Variants in KANSL2 observed in about 807,000 individuals in gnomAD.
KANSL2 encodes the protein KAT8 regulatory NSL complex subunit 2, also known as NSL complex protein NSL2.
A neutral mutation model predicts 55.6 loss-of-function variants in KANSL2; 34 were observed. The ratio of observed to expected loss-of-function variants is 0.61; its 90% CI spans 0.46 to 0.81. KANSL2 has a LOEUF of 0.81. Among genes scored for constraint, KANSL2 ranks in the 40% least tolerant of loss-of-function variants. KANSL2 has a pLI of 0.00. For missense variants in KANSL2, 502 were observed against 609.9 expected, an observed-to-expected ratio of 0.82 and a Z score of 1.86; for synonymous variants, 209 against 214.3, an observed-to-expected ratio of 0.98 and a Z score of 0.22.
At chr12:48,667,355 T>A (rs548657708) in intron 7 of KANSL2, 1 of 312,952 alleles carries the variant, frequency 3.2e-6, no homozygotes, top group Non-Finnish European at 6.3e-6. Flanking sequence ...ATAAGCAAGT[T>A]AAATCAGAAA....
At chr12:48,660,924 C>A (rs142866219) in intron 7 of KANSL2, among the ~76,000 whole-genome samples, 3 of 152,156 alleles carry the variant, frequency 2.0e-5, no homozygotes, top group Non-Finnish European at 4.4e-5. Flanking sequence ...CAGTAACACT[C>A]CTAGGAACAC....
chr12:48,678,892 A>T (rs144892904), intron 4 of KANSL2, 144 bp downstream of exon 4: 1 of 571,582 alleles, frequency 1.7e-6, no homozygotes, highest in African/African-American at 1.9e-5. Flanking sequence ...ACAATGAACC[A>T]TGCCACTTTT....
In KANSL2 at chr12:48,655,079, C is replaced by T. The variant is rs1240783880; in HGVS notation, c.1228-19G>A. 6.4e-7 allele frequency: 1 copy of T among 1,557,716 alleles called. No homozygotes were observed. Among genetic ancestry groups the T allele is most frequent in the Non-Finnish European group, 8.7e-7 (1 of 1,150,770 alleles). ...CCAAGTCCTAGAAAAAAGAGAAAAGCCCATCAGCAATACCAAGGGAAACAG... is the reference window on the plus strand; with the variant it reads ...CCAAGTCCTAGAAAAAAGAGAAAAGTCCATCAGCAATACCAAGGGAAACAG... On this transcript the variant is annotated intron_variant, in intron 8 of 9. Coordinates refer to ENST00000420613, the MANE Select transcript of KANSL2 (RefSeq NM_017822.4).
intron 3 of KANSL2, 141 bp downstream of exon 3, chr12:48,679,514 C>G (rs1939882573): frequency 1.4e-6 from 1 of 704,156 alleles, no homozygotes; most frequent in African/African-American, 1.8e-5. Context: ...AACTGGTAAA[C>G]AACAAAGCAA....
Position 48,670,394 on chromosome 12 carries a change from TATC to T in KANSL2, c.710-1125_710-1123del, listed in dbSNP as rs1358648975. 3.3e-5 allele frequency among the ~76,000 whole-genome samples: 5 copies of T among 152,260 alleles called. No individual in the cohort carries two copies. In the East Asian group the frequency reaches 7.7e-4, roughly 23 times the overall value. On this transcript the variant is annotated intron_variant, in intron 5 of 9. Coordinates refer to ENST00000420613, the MANE Select transcript of KANSL2 (RefSeq NM_017822.4). ...CAGAAAGTATTGCAGAAGACATTGT[TATC>T]ATGAGATGACAGTTCGCTGCATGAG...
chr12:48,679,304 G>A (rs887503143), intron 3 of KANSL2, 154 bp from the exon 4 acceptor site: 91 of 690,452 alleles, frequency 1.3e-4, no homozygotes, highest in Admixed American at 3.0e-4. Context: ...AAATAAAAAC[G>A]CTTTAAGAAA....
chr12:48,660,553 T>C lies in KANSL2; in HGVS notation c.1040A>G (p.Asn347Ser), dbSNP rs1939467987. 1 of 1,613,390 alleles carries C rather than the reference T, an allele frequency of 6.2e-7. No individual in the cohort carries two copies. Among genetic ancestry groups the C allele is most frequent in the South Asian group, 1.1e-5 (1 of 90,874 alleles). ...AGAGAGGCTTACAGGAACAGGTTTG[T>C]TGCAGGGTACCTCTTCAGATCCCTG... The part of the protein sequence containing the change: ...CCQGSEEVPC[N>S]KPVPVSLSED... The change falls in exon 8 of 10, where the codon AAC (asparagine) becomes AGC (serine). Residue 347 changes from asparagine to serine, a missense_variant. Transcript: ENST00000420613.
intron 2 of KANSL2, 90 bp from the exon 3 acceptor site, chr12:48,679,923 G>A: frequency 1.8e-6 from 2 of 1,142,156 alleles, no homozygotes; most frequent in Non-Finnish European, 2.4e-6. Flanking sequence ...TCATTTTTAG[G>A]GAATTAAAAT....
chr12:48,660,285 C>G lies in KANSL2; in HGVS notation c.1227+81G>C, dbSNP rs369206330. ...AAAACTTTGTCGATTCTCCTAACCA[C>G]AAAGACTAACCTATTCTCACCATTA... On this transcript the variant is annotated intron_variant, in intron 8 of 9. Transcript: ENST00000420613. The G allele has an allele frequency of 1.1e-4, 160 of 1,483,938 alleles. No homozygotes were observed. The South Asian group carries it at 1.9e-3, about 18-fold the overall frequency. The allele number at this position is 1,483,938 out of a possible 1,614,324, so 91.9% of individuals were successfully genotyped here.
rs770428448 is a variant in KANSL2 at position 48,660,543 on chromosome 12, A to T, written c.1050T>A (p.Val350=). The change falls in exon 8 of 10, where the codon GTT becomes GTA. Residue 350 remains valine, a synonymous_variant. Transcript: ENST00000420613. ...AGGGATCCTCAGAGAGGCTTACAGG[A>T]ACAGGTTTGTTGCAGGGTACCTCTT... The part of the protein sequence containing the change: ...GSEEVPCNKP[V]PVSLSEDPCC... 3.7e-6 allele frequency: 6 copies of T among 1,613,578 alleles called. No homozygotes were observed. Among genetic ancestry groups the T allele is most frequent in the Non-Finnish European group, 5.1e-6 (6 of 1,179,720 alleles).
intron 9 of KANSL2, chr12:48,654,381 A>T: frequency 2.6e-6 from 2 of 779,646 alleles, no homozygotes; most frequent in Non-Finnish European, 4.7e-6. Context: ...GGTGAGCTGT[A>T]GGTTGTTTCT....
intron 8 of KANSL2, 108 bp from the exon 9 acceptor site, chr12:48,655,168 A>G: frequency 9.1e-7 from 1 of 1,101,486 alleles, no homozygotes; most frequent in Non-Finnish European, 1.3e-6. Flanking sequence ...CCTCAACCCT[A>G]GCCTACCTTT....
intron 7 of KANSL2, 25 bp downstream of exon 7, chr12:48,667,668 C>G (rs111278034): frequency 4.5e-6 from 7 of 1,554,398 alleles, no homozygotes; most frequent in African/African-American, 2.7e-5. Context: ...AAACCACAGC[C>G]TTAACAGGCA....
chr12:48,658,662 CAGG>C (rs1939434832), intron 8 of KANSL2: 1 of 152,252 alleles, frequency 6.6e-6, no homozygotes, highest in East Asian at 1.9e-4. Context: ...GAGGCAGGAA[CAGG>C]AGAATTGCTT....
rs375376999 is a variant in KANSL2 at position 48,662,540 on chromosome 12, GA to G, written c.974-1922del. The G allele has an allele frequency of 2.5e-4, 320 of 1,258,160 alleles. 4 individuals carry two copies. The South Asian group carries it at 2.8e-3, about 11-fold the overall frequency. 77.9% of individuals were successfully genotyped at this position (1,258,160 alleles called of 1,614,324 possible). Reference sequence around the variant, plus strand: ...TCAGATGGGGCAAAAGAGGTAAAAAGAAGGGAATGGTTAACCTACAACTAGA... The same window carrying G: ...TCAGATGGGGCAAAAGAGGTAAAAAGAGGGAATGGTTAACCTACAACTAGA... On this transcript the variant is annotated intron_variant, in intron 7 of 9. Transcript: ENST00000420613.
At chr12:48,656,954 C>T (rs900577699) in intron 8 of KANSL2, among the ~76,000 whole-genome samples, 6 of 152,220 alleles carry the variant, frequency 3.9e-5, no homozygotes, top group South Asian at 2.1e-4. Context: ...TCTAGCTTCA[C>T]GAGAAGCTTA....
In KANSL2 at chr12:48,654,181, A is replaced by C. The variant is rs1939332671; in HGVS notation, c.1348-6T>G. On this transcript the variant is annotated splice_polypyrimidine_tract_variant and splice_region_variant and intron_variant, in intron 9 of 9. Transcript: ENST00000420613. ...CCAGCCATCTGCATCTGGCCCTGTTAAAAGAAATAAAGGCACTTCAGTTAG... is the reference window on the plus strand; with the variant it reads ...CCAGCCATCTGCATCTGGCCCTGTTCAAAGAAATAAAGGCACTTCAGTTAG... 1 of 1,593,430 alleles carries C rather than the reference A, an allele frequency of 6.3e-7. No individual in the cohort carries two copies.
chr12:48,677,273 TG>T (rs1939839616), intron 4 of KANSL2, among the ~76,000 whole-genome samples: 1 of 152,190 alleles, frequency 6.6e-6, no homozygotes, highest in Non-Finnish European at 1.5e-5. Context: ...TCTCATAAAA[TG>T]ACCTGGTATT....
intron 8 of KANSL2, among the ~76,000 whole-genome samples, chr12:48,658,149 T>C (rs1169867832): frequency 6.6e-6 from 1 of 152,062 alleles, no homozygotes; most frequent in African/African-American, 2.4e-5. Flanking sequence ...GAGAATCGCT[T>C]GAACCCAGGA....
Sources: allele counts gnomAD v4.1 joint callset (sites outside exome capture counted in the v4.1 genomes callset), GRCh38; gene constraint gnomAD v4.1.1; transcripts MANE v1.5; gene names NCBI Gene and HGNC (gene_info 2026-07-23, HGNC 2026-07-21).